NTN1: variants seen among roughly 807,000 people sequenced by gnomAD.
The protein encoded by NTN1 is netrin 1.
A neutral mutation model predicts 54.2 loss-of-function variants in NTN1; 11 were observed. That is an observed-to-expected ratio of 0.20 (90% CI 0.13 to 0.34). The LOEUF (loss-of-function observed/expected upper bound fraction) is 0.34. Among genes scored for constraint, NTN1 ranks in the 10% least tolerant of loss-of-function variants. The pLI is 1.00. For missense variants in NTN1, 740 were observed against 893.1 expected (o/e 0.83, Z 2.18); for synonymous variants, 371 against 382.0 (o/e 0.97, Z 0.33).
intron 6 of NTN1, among the ~76,000 whole-genome samples, chr17:9,227,560 C>T (rs1438218687): frequency 1.6e-5 from 1 of 60,628 alleles, no homozygotes; most frequent in Non-Finnish European, 3.3e-5. Context: ...CAGGCACACA[C>T]ACTATCACAC....
intron 2 of NTN1, among the ~76,000 whole-genome samples, chr17:9,141,131 A>G (rs1299981156): frequency 1.3e-5 from 2 of 151,988 alleles, no homozygotes; most frequent in Non-Finnish European, 2.9e-5. Flanking sequence ...GGTTGGATAG[A>G]CACGTCAGAA....
the NTN1 span, among the ~76,000 whole-genome samples, chr17:9,015,693 T>C: frequency 6.6e-6 from 1 of 151,862 alleles, no homozygotes; most frequent in Non-Finnish European, 1.5e-5. Context: ...AAACCACACA[T>C]CCCTAAGACC....
At chr17:9,179,708 G>A in intron 3 of NTN1, 99 bp from the exon 4 acceptor site, 1 of 1,434,144 alleles carries the variant, frequency 7.0e-7, no homozygotes, top group Admixed American at 2.2e-5. Context: ...CTTCCTCCAG[G>A]GCAGGGTCCA....
chr17:9,091,272 G>T lies in NTN1; in HGVS notation c.1018+67881G>T, dbSNP rs536930690. ...CTAAACCATTTTTCTCTATGTTTTA[G>T]AGACAGGGTCTCGCCCTCTCCCCCA... On this transcript the variant is annotated intron_variant, in intron 2 of 6. Transcript: ENST00000173229. Among the ~76,000 whole-genome samples the T allele has an allele frequency of 2.6e-5, 4 of 151,986 alleles. No homozygotes were observed. In the East Asian group the frequency reaches 7.7e-4, roughly 29 times the overall value.
the NTN1 span, among the ~76,000 whole-genome samples, chr17:9,012,442 C>T: frequency 1.3e-5 from 2 of 151,588 alleles, no homozygotes; most frequent in African/African-American, 2.4e-5. Flanking sequence ...ACCCGGGAGG[C>T]GGAGGTTGCA....
In NTN1 at chr17:9,240,498, C is replaced by T. The variant is rs1045625534; in HGVS notation, c.*530C>T. Reference sequence around the variant, plus strand: ...CCGACGGGATCCCCCCCTTTCTCCCCGGCCCCTTCTAGCAGTTCCCCGCGG... The same window carrying T: ...CCGACGGGATCCCCCCCTTTCTCCCTGGCCCCTTCTAGCAGTTCCCCGCGG... On this transcript the variant is annotated 3_prime_UTR_variant, in exon 7 of 7. Transcript: ENST00000173229. 13 of 152,506 alleles carry T rather than the reference C, an allele frequency of 8.5e-5. No individual in the cohort carries two copies. In the South Asian group the frequency reaches 1.0e-3, roughly 12 times the overall value. 9.4% of individuals were successfully genotyped at this position (152,506 alleles called of 1,614,324 possible).
intron 4 of NTN1, among the ~76,000 whole-genome samples, chr17:9,181,340 G>A (rs2092418564): frequency 6.6e-6 from 1 of 152,198 alleles, no homozygotes; most frequent in Admixed American, 6.5e-5. Context: ...CCCTGTGTGT[G>A]CATCCCAGAG....
chr17:9,223,903 G>C (rs1431884117), intron 6 of NTN1, among the ~76,000 whole-genome samples: 1 of 152,202 alleles, frequency 6.6e-6, no homozygotes, highest in African/African-American at 2.4e-5. Flanking sequence ...AGGAGGGGAA[G>C]GGAGAGGAAT....
intron 2 of NTN1, among the ~76,000 whole-genome samples, chr17:9,024,414 A>G (rs1471325465): frequency 6.6e-6 from 1 of 152,232 alleles, no homozygotes; most frequent in Admixed American, 6.5e-5. Context: ...TAGTCTGTAA[A>G]TGTCCCATTT....
chr17:9,134,704 C>A (rs748951156), intron 2 of NTN1, among the ~76,000 whole-genome samples: 2 of 152,200 alleles, frequency 1.3e-5, no homozygotes, highest in African/African-American at 2.4e-5. Flanking sequence ...GCTGGCTGCT[C>A]ATTGCCCTGT....
At chr17:9,229,363 C>G (rs1905729137) in intron 6 of NTN1, among the ~76,000 whole-genome samples, 1 of 152,192 alleles carries the variant, frequency 6.6e-6, no homozygotes, top group African/African-American at 2.4e-5. Flanking sequence ...ACATCACAGC[C>G]TTGATGCTCA....
At chr17:9,192,777 C>T (rs953013707) in intron 5 of NTN1, among the ~76,000 whole-genome samples, 1 of 152,146 alleles carries the variant, frequency 6.6e-6, no homozygotes, top group Non-Finnish European at 1.5e-5. Context: ...ATGCAGCTGA[C>T]GGTTTAGAAA....
chr17:9,178,739 T>C (rs1179406855), intron 3 of NTN1, among the ~76,000 whole-genome samples: 2 of 152,190 alleles, frequency 1.3e-5, no homozygotes, highest in Non-Finnish European at 2.9e-5. Flanking sequence ...GGATGGGGCA[T>C]GGGCAGGACA....
At chr17:9,153,842 T>A (rs555377126) in intron 2 of NTN1, among the ~76,000 whole-genome samples, 30 of 152,318 alleles carry the variant, frequency 2.0e-4, no homozygotes, top group African/African-American at 6.7e-4. Context: ...CCATGGGACA[T>A]CCTTACCTCG....
chr17:9,017,183 C>T (rs1359631225), upstream of NTN1, among the ~76,000 whole-genome samples: 2 of 152,056 alleles, frequency 1.3e-5, no homozygotes, highest in African/African-American at 2.4e-5. Context: ...ATAAAAAATC[C>T]CAACCTTCCC....
intron 5 of NTN1, among the ~76,000 whole-genome samples, chr17:9,214,466 T>A (rs1905173760): frequency 6.6e-6 from 1 of 152,232 alleles, no homozygotes; most frequent in African/African-American, 2.4e-5. Context: ...CCACTCTTGG[T>A]TCGTTTCTTG....
At chr17:9,067,621 C>T (rs979550944) in intron 2 of NTN1, among the ~76,000 whole-genome samples, 6 of 152,314 alleles carry the variant, frequency 3.9e-5, no homozygotes, top group Admixed American at 2.0e-4. Flanking sequence ...AACTCCTTTA[C>T]GTGGAATTTG....
the NTN1 span, among the ~76,000 whole-genome samples, chr17:9,003,577 G>C: frequency 2.8e-4 from 42 of 148,180 alleles, no homozygotes; most frequent in African/African-American, 1.0e-3. This position sits in a 1 kb window ranked among gnomAD's most constrained non-coding sequence, Gnocchi z 7.4. Context: ...CTCGGCGGCC[G>C]GCCAAGCCAG....
chr17:9,146,468 A>C (rs748039870), intron 2 of NTN1, among the ~76,000 whole-genome samples: 2 of 152,140 alleles, frequency 1.3e-5, no homozygotes, highest in African/African-American at 2.4e-5. Context: ...TTTGGGGGTG[A>C]GTCCTCAAGG....
Sources: allele counts gnomAD v4.1 joint callset (sites outside exome capture counted in the v4.1 genomes callset), GRCh38; gene constraint gnomAD v4.1.1; non-coding constraint Gnocchi (gnomAD v3.1); transcripts MANE v1.5; gene names NCBI Gene and HGNC (gene_info 2026-07-23, HGNC 2026-07-21).